Variants in SNAP91 observed in about 807,000 individuals in gnomAD.
The protein encoded by SNAP91 is synaptosome associated protein 91, also known as clathrin coat assembly protein AP180.
A neutral mutation model predicts 100.3 loss-of-function variants in SNAP91; 27 were observed. The ratio of observed to expected loss-of-function variants is 0.27; its 90% CI spans 0.20 to 0.37. SNAP91 has a LOEUF of 0.37. Among genes scored for constraint, SNAP91 ranks in the 10% least tolerant of loss-of-function variants. SNAP91 has a pLI of 1.00. For missense variants in SNAP91, 986 were observed against 1,123.7 expected (o/e 0.88, Z 1.75); for synonymous variants, 404 against 398.6 (o/e 1.01, Z -0.16).
chr6:83,603,215 G>A (rs747808312), intron 14 of SNAP91, among the ~76,000 whole-genome samples: 1 of 151,888 alleles, frequency 6.6e-6, no homozygotes, highest in Admixed American at 6.6e-5. Context: ...TAACCTTATA[G>A]TCATTTAAAA....
At chr6:83,656,056 G>A (rs1400987196) in intron 7 of SNAP91, among the ~76,000 whole-genome samples, 2 of 152,098 alleles carry the variant, frequency 1.3e-5, no homozygotes, top group African/African-American at 2.4e-5. Context: ...CCACTTTATG[G>A]TAAAGGAAAA....
At chr6:83,670,645 G>A (rs893310083) in intron 2 of SNAP91, among the ~76,000 whole-genome samples, 42 of 151,682 alleles carry the variant, frequency 2.8e-4, no homozygotes, top group Non-Finnish European at 4.9e-4. Context: ...AGGGTTGTAC[G>A]TACACTTAGG....
Position 83,662,438 on chromosome 6 carries a change from T to C in SNAP91, c.274-16A>G, listed in dbSNP as rs1410298624. 33 of 1,060,868 alleles carry C rather than the reference T, an allele frequency of 3.1e-5. No homozygotes were observed. Among genetic ancestry groups the C allele is most frequent in the Non-Finnish European group, 4.1e-5 (31 of 764,168 alleles). The allele number at this position is 1,060,868 out of a possible 1,614,324, so 65.7% of individuals were successfully genotyped here. On this transcript the variant is annotated splice_polypyrimidine_tract_variant and intron_variant, in intron 3 of 29. Coordinates refer to ENST00000369694, the MANE Select transcript of SNAP91 (RefSeq NM_001242792.2). ...GAATAAATCTCTGAAAAACAAAAAT[T>C]AGAATTAAACACACATTTTAAAATC...
At chr6:83,567,998 T>C (rs1799476770) in intron 26 of SNAP91, among the ~76,000 whole-genome samples, 1 of 151,626 alleles carries the variant, frequency 6.6e-6, no homozygotes, top group Non-Finnish European at 1.5e-5. Flanking sequence ...TTACTGGCTA[T>C]ATACCCAAAG....
At chr6:83,686,132 G>T in intron 2 of SNAP91, 1 of 982,920 alleles carries the variant, frequency 1.0e-6, no homozygotes. Flanking sequence ...TTTTACCTCA[G>T]TTGCTTAAAT....
At chr6:83,556,972 G>C (rs943308462) in intron 28 of SNAP91, among the ~76,000 whole-genome samples, 1 of 152,166 alleles carries the variant, frequency 6.6e-6, no homozygotes. Flanking sequence ...AATCTATTCA[G>C]CTCTCAGAGA....
rs532654144 is a variant in SNAP91, at chr6:83,605,763, C to G, written c.1063G>C (p.Asp355His). Reference sequence around the variant, plus strand: ...GCTGCTGCCCCTCCAGAGGAAAAGTCTGGCTGGAGGTCCAGGAGATCACTA... The same window carrying G: ...GCTGCTGCCCCTCCAGAGGAAAAGTGTGGCTGGAGGTCCAGGAGATCACTA... ...PSSDLLDLQP[D>H]FSSGGAAAAA... Residue 355 changes from aspartate to histidine, a missense_variant, in exon 14 of 30, where the codon GAC becomes CAC. This residue lies in a region of SNAP91 where 330 missense variants were observed against 447.5 expected (regional missense o/e 0.74). Coordinates refer to ENST00000369694, the MANE Select transcript of SNAP91 (RefSeq NM_001242792.2). 1.4e-5 allele frequency: 21 copies of G among 1,553,292 alleles called. No individual in the cohort carries two copies. The African/African-American group carries it at 2.6e-4, about 19-fold the overall frequency.
At position 83,556,223 on chromosome 6, in the gene SNAP91, G is replaced by T. The variant is rs1453337770; in HGVS notation, c.2654C>A (p.Ala885Asp). The change falls in exon 29 of 30, where the codon GCC becomes GAC. Residue 885 changes from alanine to aspartate, a missense_variant. Coordinates refer to ENST00000369694, the MANE Select transcript of SNAP91 (RefSeq NM_001242792.2). ...TGGAGGTTTCTTGGGACTCTGACTG[G>T]CAGGTGTAGGGCTTGGAGAAAGCTA... Reference protein sequence around the residue: ...GTQLSPSPTPASQSPKKPPAK... With the variant: ...GTQLSPSPTPDSQSPKKPPAK... The T allele has an allele frequency of 1.3e-6, 2 of 1,568,460 alleles. No individual in the cohort carries two copies. Among genetic ancestry groups the T allele is most frequent in the South Asian group, 1.2e-5 (1 of 85,490 alleles).
chr6:83,565,855 G>A (rs1241465665), intron 26 of SNAP91, among the ~76,000 whole-genome samples: 1 of 152,094 alleles, frequency 6.6e-6, no homozygotes, highest in East Asian at 1.9e-4. Flanking sequence ...CCTATGTATT[G>A]CTGGTGGCAA....
At chr6:83,680,615 C>T (rs1305100178) in intron 2 of SNAP91, among the ~76,000 whole-genome samples, 1 of 152,106 alleles carries the variant, frequency 6.6e-6, no homozygotes, top group Non-Finnish European at 1.5e-5. Flanking sequence ...GGATGATATA[C>T]AAGTTTGCGG....
intron 29 of SNAP91, among the ~76,000 whole-genome samples, chr6:83,555,859 A>G (rs1171527322): frequency 6.6e-6 from 1 of 152,154 alleles, no homozygotes; most frequent in Non-Finnish European, 1.5e-5. Flanking sequence ...GTAATTTTCT[A>G]ATTTACCAAG....
intron 2 of SNAP91, among the ~76,000 whole-genome samples, chr6:83,676,311 T>C (rs1026497764): frequency 4.6e-5 from 7 of 152,028 alleles, no homozygotes; most frequent in Admixed American, 1.3e-4. Flanking sequence ...AGACATACAA[T>C]GTCGAGCACA....
chr6:83,570,247 G>T (rs1400429956), intron 26 of SNAP91, among the ~76,000 whole-genome samples: 1 of 152,126 alleles, frequency 6.6e-6, no homozygotes, highest in East Asian at 1.9e-4. Context: ...TGAGAATGAT[G>T]ATTTAAGGTA....
At chr6:83,652,143 G>C (rs2098234797) in intron 7 of SNAP91, among the ~76,000 whole-genome samples, 1 of 152,000 alleles carries the variant, frequency 6.6e-6, no homozygotes, top group South Asian at 2.1e-4. Flanking sequence ...CTTGTTTTTA[G>C]ATCTACTCTG....
chr6:83,596,081 G>A (rs1156595525), intron 16 of SNAP91, among the ~76,000 whole-genome samples: 1 of 152,130 alleles, frequency 6.6e-6, no homozygotes, highest in African/African-American at 2.4e-5. Flanking sequence ...TAGAGACAGA[G>A]TCTTGCTCTG....
chr6:83,674,162 C>T (rs1343829488), intron 2 of SNAP91, among the ~76,000 whole-genome samples: 3 of 152,176 alleles, frequency 2.0e-5, no homozygotes, highest in Non-Finnish European at 4.4e-5. Context: ...TGGTGGCTCA[C>T]GCCTATAATC....
In SNAP91 at chr6:83,555,061, C is replaced by G. The variant is rs148248147; in HGVS notation, c.*11-776G>C. On this transcript the variant is annotated intron_variant, in intron 29 of 29. Coordinates refer to ENST00000369694, the MANE Select transcript of SNAP91 (RefSeq NM_001242792.2). ...AAGTAAGAGGTGAATACAGGCTGCT[C>G]TATGCAGTTTCCTTGGTCACTCCTG... Among the ~76,000 whole-genome samples, 111 of 152,268 alleles carry G rather than the reference C, an allele frequency of 7.3e-4. No homozygotes were observed. The East Asian group carries it at 0.019, about 26-fold the overall frequency.
chr6:83,698,326 CAAAAAA>C (rs34370410), intron 2 of SNAP91, among the ~76,000 whole-genome samples: 1 of 108,178 alleles, frequency 9.2e-6, no homozygotes. Context: ...TCTCCAAGGC[CAAAAAA>C]AAAAAAAAAA....
chr6:83,648,144 C>T (rs996276714), intron 7 of SNAP91, among the ~76,000 whole-genome samples: 1 of 152,148 alleles, frequency 6.6e-6, no homozygotes. Context: ...TGGGTAACCA[C>T]TAGTCTCTTT....
Sources: gnomAD v4.1 joint callset for allele counts (sites outside exome capture counted in the v4.1 genomes callset) on GRCh38, gnomAD v4.1.1 for gene constraint, gnomAD v4.1.1 regional missense constraint, MANE v1.5 for transcripts, NCBI Gene and HGNC (gene_info 2026-07-23, HGNC 2026-07-21) for gene names.